Variants in OLFM3 observed in about 807,000 individuals in gnomAD.
OLFM3 encodes noelin-3.
In OLFM3, 20 loss-of-function variants were observed where a neutral mutation model predicts 48.6. The observed-to-expected ratio is 0.41, with a 90% confidence interval of 0.29 to 0.60. OLFM3 has a LOEUF of 0.60. Ranked by LOEUF, OLFM3 falls within the 20% of genes least tolerant of loss-of-function variation. The pLI is 0.28. For missense variants in OLFM3, 437 were observed against 544.3 expected (o/e 0.80, Z 1.96); for synonymous variants, 222 against 198.1 (o/e 1.12, Z -1.01).
intron 1 of OLFM3, among the ~76,000 whole-genome samples, chr1:101,911,822 G>C (rs1487970898): frequency 2.6e-5 from 4 of 152,174 alleles, no homozygotes. Context: ...ATTTATATGA[G>C]TCTTCACACT....
At chr1:101,956,840 T>C (rs1038779905) in intron 1 of OLFM3, among the ~76,000 whole-genome samples, 6 of 152,020 alleles carry the variant, frequency 3.9e-5, no homozygotes, top group African/African-American at 1.4e-4. Flanking sequence ...ATCTTTTGCA[T>C]CTATTTGGTT....
At chr1:101,904,993 T>A (rs1218400368) in intron 1 of OLFM3, among the ~76,000 whole-genome samples, 1 of 152,128 alleles carries the variant, frequency 6.6e-6, no homozygotes, top group African/African-American at 2.4e-5. Context: ...TCAAAAATTA[T>A]TGCTCTAGGG....
chr1:101,805,964 G>C lies in OLFM3; in HGVS notation c.699+112C>G, dbSNP rs1214039241. 2.2e-5 allele frequency: 14 copies of C among 631,000 alleles called. No homozygotes were observed. The South Asian group carries it at 3.0e-4, about 14-fold the overall frequency. 39.1% of individuals were successfully genotyped at this position (631,000 alleles called of 1,614,324 possible). A position where few individuals can be genotyped will look rare whatever the true frequency, so the allele number is the denominator to read the frequency against. ...CAAACAGAAAATATTTGCAAATTAT[G>C]TACCAGTTTTCAAGTACAAACAAAT... is the stretch of plus-strand genomic sequence containing the variant. On this transcript the variant is annotated intron_variant, in intron 5 of 5. Coordinates refer to ENST00000370103, the MANE Select transcript of OLFM3 (RefSeq NM_058170.4).
intron 1 of OLFM3, among the ~76,000 whole-genome samples, chr1:101,907,597 C>A (rs1357577205): frequency 6.6e-6 from 1 of 152,166 alleles, no homozygotes; most frequent in Non-Finnish European, 1.5e-5. Context: ...AGAGTATGTT[C>A]CAAATTGTAC....
chr1:101,912,462 G>A (rs150145140), intron 1 of OLFM3, among the ~76,000 whole-genome samples: 374 of 152,252 alleles, frequency 2.5e-3, no homozygotes, highest in African/African-American at 8.6e-3. Flanking sequence ...GATAAATTCC[G>A]TATCTCTGTT....
intron 1 of OLFM3, among the ~76,000 whole-genome samples, chr1:101,920,775 G>A (rs1272726834): frequency 1.3e-5 from 2 of 152,152 alleles, no homozygotes; most frequent in Non-Finnish European, 2.9e-5. Flanking sequence ...GTAAACAATA[G>A]AGACCCATTC....
chr1:101,944,516 A>G (rs1659895414), intron 1 of OLFM3, among the ~76,000 whole-genome samples: 1 of 152,124 alleles, frequency 6.6e-6, no homozygotes, highest in South Asian at 2.1e-4. Context: ...AACTCTCCTC[A>G]TTTTGATTCC....
chr1:101,966,315 A>ATTTT (rs200163220), intron 1 of OLFM3, among the ~76,000 whole-genome samples: 6 of 126,422 alleles, frequency 4.7e-5, no homozygotes, highest in East Asian at 4.5e-4. Context: ...CACCTGGCTA[A>ATTTT]TTTGTGTGTG....
chr1:101,983,981 G>A (rs1388281892), intron 1 of OLFM3, among the ~76,000 whole-genome samples: 7 of 152,138 alleles, frequency 4.6e-5, no homozygotes, highest in Non-Finnish European at 7.4e-5. Flanking sequence ...GGTAGCCTGC[G>A]GCTCACACCT....
intron 1 of OLFM3, among the ~76,000 whole-genome samples, chr1:101,924,423 A>G (rs1198942717): frequency 6.6e-6 from 1 of 152,200 alleles, no homozygotes; most frequent in African/African-American, 2.4e-5. Flanking sequence ...ATGAAGCAAA[A>G]GTGAAATAGA....
chr1:101,987,436 T>G (rs1358893623), intron 1 of OLFM3, among the ~76,000 whole-genome samples: 1 of 152,090 alleles, frequency 6.6e-6, no homozygotes, highest in Non-Finnish European at 1.5e-5. Context: ...CTTTAGAGAG[T>G]CTTGAGCCAA....
At chr1:101,914,035 G>A (rs1008247426) in intron 1 of OLFM3, among the ~76,000 whole-genome samples, 2 of 152,098 alleles carry the variant, frequency 1.3e-5, no homozygotes, top group Non-Finnish European at 1.5e-5. Context: ...ATATTTACAA[G>A]GAGACTTTCA....
intron 1 of OLFM3, among the ~76,000 whole-genome samples, chr1:101,988,717 A>T (rs1197701941): frequency 6.6e-6 from 1 of 152,086 alleles, no homozygotes; most frequent in Admixed American, 6.5e-5. Context: ...TAGCTGCTAG[A>T]TAGGAAAGAA....
chr1:101,873,076 G>C (rs1657148766), intron 1 of OLFM3, among the ~76,000 whole-genome samples: 2 of 151,858 alleles, frequency 1.3e-5, no homozygotes, highest in South Asian at 4.1e-4. Flanking sequence ...GCTAAAATAA[G>C]ATGAAGTCTA....
At chr1:101,918,524 G>A (rs1269900369) in intron 1 of OLFM3, among the ~76,000 whole-genome samples, 2 of 146,858 alleles carry the variant, frequency 1.4e-5, no homozygotes, top group Non-Finnish European at 3.0e-5. Flanking sequence ...TCCAATCTCT[G>A]TTTCCACCAT....
At chr1:101,905,018 C>G (rs1211731308) in intron 1 of OLFM3, among the ~76,000 whole-genome samples, 1 of 152,078 alleles carries the variant, frequency 6.6e-6, no homozygotes. Context: ...ATAAAACGAA[C>G]CTTTCCAAAA....
At chr1:101,839,104 A>G (rs1302469674) in intron 1 of OLFM3, among the ~76,000 whole-genome samples, 2 of 152,192 alleles carry the variant, frequency 1.3e-5, no homozygotes, top group African/African-American at 2.4e-5. Flanking sequence ...TATTACGTAA[A>G]GGAAATGGTA....
intron 1 of OLFM3, among the ~76,000 whole-genome samples, chr1:101,905,961 T>A (rs1361523393): frequency 6.6e-6 from 1 of 152,184 alleles, no homozygotes; most frequent in Non-Finnish European, 1.5e-5. Flanking sequence ...TCTGGTTAAA[T>A]CACTAGCAAT....
chr1:101,967,310 A>AC (rs1389349171), intron 1 of OLFM3, among the ~76,000 whole-genome samples: 1 of 55,028 alleles, frequency 1.8e-5, no homozygotes, highest in East Asian at 2.2e-3. Flanking sequence ...AAAAACAAAA[A>AC]AAACAAATAC....
Sources: allele counts gnomAD v4.1 joint callset (sites outside exome capture counted in the v4.1 genomes callset), GRCh38; gene constraint gnomAD v4.1.1; transcripts MANE v1.5; gene names NCBI Gene and HGNC (gene_info 2026-07-23, HGNC 2026-07-21).